CEP112: variants seen among roughly 807,000 people sequenced by gnomAD.
The protein encoded by CEP112 is centrosomal protein 112, also known as centrosomal protein of 112 kDa.
Under a neutral mutation model 153.0 loss-of-function variants are expected in CEP112, and 127 were observed. The ratio of observed to expected loss-of-function variants is 0.83; its 90% confidence interval spans 0.72 to 0.96. The LOEUF is 0.96. Among genes scored for constraint, CEP112 ranks in the 40% least tolerant of loss-of-function variants. CEP112 has a pLI of 0.00. For synonymous variants in CEP112, 358 were observed against 374.4 expected (o/e 0.96, Z 0.51); for missense variants, 1,089 against 1,101.2 (o/e 0.99, Z 0.16).
intron 24 of CEP112, among the ~76,000 whole-genome samples, chr17:65,658,212 G>A (rs1299918625): frequency 6.6e-6 from 1 of 152,216 alleles, no homozygotes; most frequent in Non-Finnish European, 1.5e-5. Flanking sequence ...ATCTAAGCCT[G>A]TACTGTGCCC....
At position 65,837,880 on chromosome 17, in the gene CEP112, T is replaced by G. The variant is rs186498580; in HGVS notation, c.2394+13924A>C. On this transcript the variant is annotated intron_variant, in intron 21 of 26. Coordinates refer to ENST00000535342, the MANE Select transcript of CEP112 (RefSeq NM_001199165.4). ...AAGATGTGCTTTGTTAAATAGATGC[T>G]TGAAGGCAGCATACTCGTTAAGAGT... Among the ~76,000 whole-genome samples the G allele has an allele frequency of 1.1e-3, 172 of 152,268 alleles. 1 individual carries two copies. The highest frequency in any genetic ancestry group is 4.1e-3 in the African/African-American group (171 of 41,560).
At chr17:66,017,290 C>G (rs1202024989) in intron 16 of CEP112, among the ~76,000 whole-genome samples, 2 of 152,180 alleles carry the variant, frequency 1.3e-5, no homozygotes, top group Non-Finnish European at 2.9e-5. Context: ...TGACACTGGT[C>G]AGTGTGCTAG....
chr17:65,877,670 C>A (rs181460289), intron 20 of CEP112, among the ~76,000 whole-genome samples: 230 of 152,202 alleles, frequency 1.5e-3, no homozygotes, highest in African/African-American at 5.4e-3. Flanking sequence ...TATGTAAAAA[C>A]CCTATGTAAG....
intron 23 of CEP112, among the ~76,000 whole-genome samples, chr17:65,699,133 A>G (rs1372366305): frequency 6.6e-6 from 1 of 152,182 alleles, no homozygotes; most frequent in Non-Finnish European, 1.5e-5. Flanking sequence ...ATCTCTTCCT[A>G]TTGTGAATTT....
chr17:65,928,483 C>T (rs2061008454), intron 18 of CEP112, among the ~76,000 whole-genome samples: 1 of 152,158 alleles, frequency 6.6e-6, no homozygotes. Flanking sequence ...TTTATAGTAG[C>T]ATTATTCATA....
chr17:66,007,416 C>T (rs774261659), intron 16 of CEP112, among the ~76,000 whole-genome samples: 27 of 152,278 alleles, frequency 1.8e-4, no homozygotes, highest in Non-Finnish European at 3.5e-4. Flanking sequence ...GTCTGCTGTT[C>T]AAGTTTTTAC....
intron 8 of CEP112, among the ~76,000 whole-genome samples, chr17:66,090,382 C>T (rs1219400118): frequency 6.6e-6 from 1 of 151,658 alleles, no homozygotes; most frequent in East Asian, 1.9e-4. Flanking sequence ...TCTTTCTATA[C>T]AATATAAAAA....
chr17:65,882,793 G>A (rs1191150235), intron 20 of CEP112, among the ~76,000 whole-genome samples: 1 of 152,160 alleles, frequency 6.6e-6, no homozygotes. Flanking sequence ...TAAATACACT[G>A]GCAAAGCCAC....
intron 17 of CEP112, among the ~76,000 whole-genome samples, chr17:66,003,229 A>G (rs953467034): frequency 5.9e-5 from 9 of 152,230 alleles, no homozygotes; most frequent in African/African-American, 2.2e-4. Flanking sequence ...ACATGCTAAA[A>G]TATCTTCTTT....
intron 21 of CEP112, among the ~76,000 whole-genome samples, chr17:65,785,127 A>G (rs2145668719): frequency 6.6e-6 from 1 of 152,228 alleles, no homozygotes; most frequent in South Asian, 2.1e-4. Context: ...CATGTTTCCA[A>G]TGTTCATCTA....
At position 65,961,627 on chromosome 17, in the gene CEP112, T is replaced by TA; in HGVS notation, c.1737-30dup. Reference sequence around the variant, plus strand: ...GAAAGGTTCAGAGAAGCTTCAGAGTTAAAATATAAAAGAGCTAGGCCTGAA... The same window carrying TA: ...GAAAGGTTCAGAGAAGCTTCAGAGTTAAAAATATAAAAGAGCTAGGCCTGAA... On this transcript the variant is annotated intron_variant, in intron 17 of 26. Transcript: ENST00000535342. The TA allele has an allele frequency of 3.2e-6, 5 of 1,574,820 alleles. No homozygotes were observed. In the South Asian group the frequency reaches 5.7e-5, roughly 18 times the overall value.
chr17:65,845,794 A>C (rs906284713), intron 21 of CEP112, among the ~76,000 whole-genome samples: 1 of 152,196 alleles, frequency 6.6e-6, no homozygotes, highest in Admixed American at 6.5e-5. Flanking sequence ...GCCACAAAAG[A>C]AGCTTTCACT....
chr17:65,700,507 A>C (rs1451161661), intron 23 of CEP112, among the ~76,000 whole-genome samples: 2 of 152,134 alleles, frequency 1.3e-5, no homozygotes, highest in East Asian at 3.9e-4. Flanking sequence ...GGAGTGAATC[A>C]CAGAGGGAAA....
chr17:65,985,689 ATTTGGGAGAT>A (rs1229755508), intron 17 of CEP112, among the ~76,000 whole-genome samples: 1 of 152,158 alleles, frequency 6.6e-6, no homozygotes, highest in East Asian at 1.9e-4. Context: ...AAGAAAAACC[ATTTGGGAGAT>A]CATGAGTCAG....
intron 21 of CEP112, among the ~76,000 whole-genome samples, chr17:65,782,604 G>A (rs1200673884): frequency 1.3e-5 from 2 of 152,154 alleles, no homozygotes; most frequent in African/African-American, 4.8e-5. Context: ...GCCCATCAAT[G>A]GTGTATTGCA....
At position 66,096,643 on chromosome 17, in the gene CEP112, A is replaced by T. The variant is rs944906337; in HGVS notation, c.643-11T>A. The T allele has an allele frequency of 1.9e-6, 3 of 1,538,842 alleles. No homozygotes were observed. In the Admixed American group the frequency reaches 5.1e-5, roughly 26 times the overall value. The stretch of plus-strand genomic sequence containing the variant: ...TCGAGGATTTTCTATCTGAAAATTT[A>T]AAAATAAAACAAAATAAGGATTTAT... On this transcript the variant is annotated splice_polypyrimidine_tract_variant and intron_variant, in intron 6 of 26. Coordinates refer to ENST00000535342, the MANE Select transcript of CEP112 (RefSeq NM_001199165.4).
chr17:66,020,370 G>C (rs754883124), intron 16 of CEP112, among the ~76,000 whole-genome samples: 1 of 152,172 alleles, frequency 6.6e-6, no homozygotes, highest in Admixed American at 6.5e-5. Context: ...AGGTCAATAC[G>C]TGTTGCTAGA....
At chr17:65,768,493 C>A (rs960286516) in intron 21 of CEP112, among the ~76,000 whole-genome samples, 10 of 151,910 alleles carry the variant, frequency 6.6e-5, no homozygotes, top group Non-Finnish European at 1.5e-4. Context: ...GATACCTAAG[C>A]CAGAAAAAGC....
intron 20 of CEP112, among the ~76,000 whole-genome samples, chr17:65,884,179 C>G (rs947217587): frequency 6.6e-6 from 1 of 152,056 alleles, no homozygotes; most frequent in Non-Finnish European, 1.5e-5. Context: ...GGGGTAGACT[C>G]CAGTGTTCAA....
Sources: allele counts gnomAD v4.1 joint callset (sites outside exome capture counted in the v4.1 genomes callset), GRCh38; gene constraint gnomAD v4.1.1; transcripts MANE v1.5; gene names NCBI Gene and HGNC (gene_info 2026-07-23, HGNC 2026-07-21).